Variants in PLPPR5 observed in about 807,000 individuals in gnomAD.
PLPPR5 encodes phospholipid phosphatase-related protein type 5.
Under a neutral mutation model 33.9 loss-of-function variants are expected in PLPPR5, and 16 were observed. That is an observed-to-expected ratio of 0.47 (90% CI 0.32 to 0.72). The LOEUF (loss-of-function observed/expected upper bound fraction) is 0.72. Among genes scored for constraint, PLPPR5 ranks in the 30% least tolerant of loss-of-function variants. PLPPR5 has a pLI of 0.03. For synonymous variants in PLPPR5, 163 were observed against 150.3 expected (o/e 1.08, Z -0.62); for missense variants, 301 against 406.7 (o/e 0.74, Z 2.23).
At chr1:98,997,189 A>C (rs927380662) in intron 1 of PLPPR5, among the ~76,000 whole-genome samples, 4 of 152,190 alleles carry the variant, frequency 2.6e-5, no homozygotes, top group South Asian at 4.1e-4. Flanking sequence ...TAGTGCATGT[A>C]AACATTTAAC....
At chr1:99,001,671 GATATAT>G (rs55722150) in intron 1 of PLPPR5, among the ~76,000 whole-genome samples, 1,314 of 102,122 alleles carry the variant, frequency 0.013, 17 homozygotes, top group South Asian at 0.065. Context: ...GAAAGTTAAA[GATATAT>G]ATATATATAT....
chr1:98,898,122 T>C (rs1648550086), intron 5 of PLPPR5, among the ~76,000 whole-genome samples: 2 of 152,170 alleles, frequency 1.3e-5, no homozygotes, highest in Admixed American at 1.3e-4. Context: ...TGATGCAAAC[T>C]CATTTGGTGG....
At chr1:98,912,657 G>A (rs989333761) in intron 5 of PLPPR5, among the ~76,000 whole-genome samples, 1 of 152,164 alleles carries the variant, frequency 6.6e-6, no homozygotes, top group Admixed American at 6.5e-5. Context: ...GGGCAGTCAT[G>A]AATATAGCTA....
At chr1:98,959,401 G>T (rs984286305) in intron 1 of PLPPR5, among the ~76,000 whole-genome samples, 1 of 152,158 alleles carries the variant, frequency 6.6e-6, no homozygotes, top group Non-Finnish European at 1.5e-5. Flanking sequence ...ACTGTCATTT[G>T]GCTGCTACTA....
intron 1 of PLPPR5, among the ~76,000 whole-genome samples, chr1:98,964,008 C>T (rs559604187): frequency 1.3e-5 from 2 of 152,182 alleles, no homozygotes; most frequent in African/African-American, 2.4e-5. Flanking sequence ...GTGTTTTGGT[C>T]GTTTTCTCAC....
At chr1:98,901,144 C>A (rs1402483439) in intron 5 of PLPPR5, among the ~76,000 whole-genome samples, 1 of 152,040 alleles carries the variant, frequency 6.6e-6, no homozygotes, top group Non-Finnish European at 1.5e-5. Context: ...TACTACTCAG[C>A]AATTAAATGG....
At chr1:98,962,317 T>TTGTGGTGAAAACACTTAGAATCTA (rs1281366305) in intron 1 of PLPPR5, among the ~76,000 whole-genome samples, 1 of 152,248 alleles carries the variant, frequency 6.6e-6, no homozygotes, top group Non-Finnish European at 1.5e-5. Flanking sequence ...TTAGCATTTT[T>TTGTGGTGAAAACACTTAGAATCTA]TGTGGTGAAA....
chr1:98,963,794 T>C lies in PLPPR5; in HGVS notation c.238-7053A>G, dbSNP rs546094738. 7.9e-5 allele frequency among the ~76,000 whole-genome samples: 12 copies of C among 152,334 alleles called. No individual in the cohort carries two copies. In the East Asian group the frequency reaches 2.1e-3, roughly 27 times the overall value. On this transcript the variant is annotated intron_variant, in intron 1 of 5. Transcript: ENST00000263177. The stretch of plus-strand genomic sequence containing the variant: ...CCTCATAAGGACCTCTGGACTCCTC[T>C]GCTGTCCAGGTATAAGAAAGCCGAG...
At chr1:98,957,209 A>G (rs1300529006) in intron 1 of PLPPR5, among the ~76,000 whole-genome samples, 1 of 143,350 alleles carries the variant, frequency 7.0e-6, no homozygotes, top group East Asian at 2.2e-4. Context: ...GGGGGGAGGG[A>G]TAGCATTGGG....
intron 5 of PLPPR5, among the ~76,000 whole-genome samples, chr1:98,903,620 G>A (rs1648782734): frequency 1.3e-5 from 2 of 151,916 alleles, no homozygotes; most frequent in South Asian, 4.1e-4. Context: ...TTGTATGGGA[G>A]TATCCTAGTG....
rs1164882061 is a variant in PLPPR5 at position 99,004,206 on chromosome 1, C to T, written c.237+229G>A. On this transcript the variant is annotated intron_variant, in intron 1 of 5. Coordinates refer to ENST00000263177, the MANE Select transcript of PLPPR5 (RefSeq NM_001037317.2). ...TCCATCCCCGCCCAGTCACCCAACG[C>T]TGAAGCCACCGCGGGGTGTGGGGGG... The T allele has an allele frequency of 7.3e-6, 4 of 551,538 alleles. No individual in the cohort carries two copies. The African/African-American group carries it at 7.7e-5, about 11-fold the overall frequency. The allele number at this position is 551,538 out of a possible 1,614,324, so 34.2% of individuals were successfully genotyped here.
Position 99,004,478 on chromosome 1 carries a change from G to A in PLPPR5, c.194C>T (p.Pro65Leu). Residue 65 changes from proline to leucine, a missense_variant, in exon 1 of 6, where the codon CCC becomes CTC. Pro to Leu is a moderately conservative substitution (Grantham distance 98). Coordinates refer to ENST00000263177, the MANE Select transcript of PLPPR5 (RefSeq NM_001037317.2). ...PGPEDSSAVP[P>L]VLLYSLAAGV... ...GGCGGCCAGCGAGTAGAGGAGCACG[G>A]GGGGCACGGCGCTGCTGTCCTCCGG... 1 of 1,612,336 alleles carries A rather than the reference G, an allele frequency of 6.2e-7. No individual in the cohort carries two copies. Among genetic ancestry groups the A allele is most frequent in the Non-Finnish European group, 8.5e-7 (1 of 1,179,508 alleles).
At chr1:98,976,984 G>C (rs1227263050) in intron 1 of PLPPR5, among the ~76,000 whole-genome samples, 3 of 152,026 alleles carry the variant, frequency 2.0e-5, no homozygotes, top group Non-Finnish European at 4.4e-5. Context: ...AAAAGAGCCA[G>C]AGTGGAGGAG....
chr1:98,926,051 AT>A (rs1168880756), intron 3 of PLPPR5, among the ~76,000 whole-genome samples: 1 of 152,050 alleles, frequency 6.6e-6, no homozygotes, highest in Non-Finnish European at 1.5e-5. Context: ...CCCTTTTCTT[AT>A]GCTATTTAGC....
At position 98,939,269 on chromosome 1, in the gene PLPPR5, CTGAAAATA is replaced by C. The variant is rs1553168493; in HGVS notation, c.621+13793_621+13800del. ...AATGATTATTATCACATAGTTATTA[CTGAAAATA>C]ATTTTTCCATATAGAGGAAGGGATG... On this transcript the variant is annotated intron_variant, in intron 3 of 5. Transcript: ENST00000263177. Among the ~76,000 whole-genome samples the C allele has an allele frequency of 4.3e-3, 648 of 151,456 alleles. 4 individuals are homozygous for C. The highest frequency in any genetic ancestry group is 6.2e-3 in the Admixed American group (95 of 15,224).
intron 3 of PLPPR5, among the ~76,000 whole-genome samples, chr1:98,928,143 C>T (rs2101171219): frequency 6.6e-6 from 1 of 152,094 alleles, no homozygotes; most frequent in East Asian, 1.9e-4. Context: ...TAGCCATTAG[C>T]ACTTGAAATA....
At chr1:98,952,063 G>C (rs172627) in intron 3 of PLPPR5, among the ~76,000 whole-genome samples, 31,178 of 151,918 alleles carry the variant, frequency 0.21, 3,420 homozygotes, top group African/African-American at 0.27. Flanking sequence ...TGAAGTTTGA[G>C]GCCAGCCTGG....
intron 5 of PLPPR5, among the ~76,000 whole-genome samples, chr1:98,905,889 TG>T (rs1648877826): frequency 2.6e-5 from 4 of 152,110 alleles, no homozygotes; most frequent in African/African-American, 7.2e-5. Flanking sequence ...ACCTTTTGGG[TG>T]GAAATAGGAT....
chr1:98,896,013 C>T lies in PLPPR5; in HGVS notation c.934-2909G>A, dbSNP rs553500704. Reference sequence around the variant, plus strand: ...TAAATGAAAGAGATGGATTATTTATCTCAGTAGTTTTTTTTTTTTAAGTTT... The same window carrying T: ...TAAATGAAAGAGATGGATTATTTATTTCAGTAGTTTTTTTTTTTTAAGTTT... On this transcript the variant is annotated intron_variant, in intron 5 of 5. Transcript: ENST00000263177. 8.3e-4 allele frequency among the ~76,000 whole-genome samples: 126 copies of T among 151,798 alleles called. 1 individual carries two copies. The highest frequency in any genetic ancestry group is 2.9e-3 in the African/African-American group (122 of 41,454).
Sources: allele counts gnomAD v4.1 joint callset (sites outside exome capture counted in the v4.1 genomes callset), GRCh38; gene constraint gnomAD v4.1.1; transcripts MANE v1.5; gene names NCBI Gene and HGNC (gene_info 2026-07-23, HGNC 2026-07-21).